Variants in GARIN5B observed in about 807,000 individuals in gnomAD.
GARIN5B encodes Golgi-associated RAB2 interactor protein 5B.
the GARIN5B span, chr19:55,358,530 ATGG>A: frequency 1.5e-4 from 5 of 32,678 alleles, no homozygotes; most frequent in African/African-American, 5.1e-4. Flanking sequence ...ATCTCGCCCC[ATGG>A]CTGCTCCTTC....
chr19:55,358,625 A>G, the GARIN5B span: 2 of 1,551,274 alleles, frequency 1.3e-6, no homozygotes, highest in Non-Finnish European at 1.7e-6. Context: ...CTTCCCCTCC[A>G]GTAAGGACAG....
chr19:55,362,713 G>A, the GARIN5B span: 3 of 1,537,420 alleles, frequency 2.0e-6, no homozygotes, highest in Admixed American at 3.9e-5. Flanking sequence ...CACGAACACT[G>A]GGCCCCCTTG....
At chr19:55,362,303 C>A in the GARIN5B span, 1 of 1,549,414 alleles carries the variant, frequency 6.5e-7, no homozygotes, top group South Asian at 1.2e-5. Flanking sequence ...GGGGGCCGTG[C>A]GCGTGGTCCT....
At chr19:55,358,958 C>G in the GARIN5B span, 4 of 1,551,230 alleles carry the variant, frequency 2.6e-6, no homozygotes, top group Non-Finnish European at 3.5e-6. Flanking sequence ...CCCCTGGCCC[C>G]TGAAGGCCTC....
At chr19:55,361,434 C>T in the GARIN5B span, 3 of 1,503,960 alleles carry the variant, frequency 2.0e-6, no homozygotes, top group Non-Finnish European at 2.7e-6. Flanking sequence ...ATGGGCTGGT[C>T]CTGCAGAGAT....
At chr19:55,362,210 C>G in the GARIN5B span, 1 of 1,477,102 alleles carries the variant, frequency 6.8e-7, no homozygotes. Flanking sequence ...TTCCTGGGGC[C>G]TGCCATGCCC....
chr19:55,361,238 A>C, the GARIN5B span: 1 of 1,550,984 alleles, frequency 6.4e-7, no homozygotes, highest in South Asian at 1.2e-5. Context: ...AGCAACCCTG[A>C]CTGGGAAGAG....
chr19:55,357,792 G>A, the GARIN5B span, among the ~76,000 whole-genome samples: 815 of 152,306 alleles, frequency 5.4e-3, 5 homozygotes, highest in African/African-American at 0.019. Flanking sequence ...GGTGGCTCAC[G>A]CCTGTAATCC....
chr19:55,359,493 A>T, the GARIN5B span: 1 of 1,545,986 alleles, frequency 6.5e-7, no homozygotes, highest in Non-Finnish European at 8.7e-7. Flanking sequence ...GCCTTCTGGG[A>T]TGGAGCAGGT....
the GARIN5B span, among the ~76,000 whole-genome samples, chr19:55,355,868 T>C: frequency 2.0e-5 from 3 of 151,414 alleles, no homozygotes; most frequent in Non-Finnish European, 4.4e-5. Flanking sequence ...TGCCTGTGGT[T>C]CCAGCTACTG....
the GARIN5B span, among the ~76,000 whole-genome samples, chr19:55,356,983 G>C: frequency 6.6e-6 from 1 of 152,120 alleles, no homozygotes; most frequent in African/African-American, 2.4e-5. Flanking sequence ...CTTGAACCCA[G>C]GAGGCAGAGG....
chr19:55,362,397 G>A, the GARIN5B span: 1 of 1,550,506 alleles, frequency 6.4e-7, no homozygotes, highest in Admixed American at 2.0e-5. Flanking sequence ...TCGTTGTCAG[G>A]GGCGTCCAGG....
the GARIN5B span, chr19:55,358,234 G>T: frequency 6.4e-7 from 1 of 1,550,828 alleles, no homozygotes; most frequent in Non-Finnish European, 8.7e-7. Flanking sequence ...CTAAGAGCAT[G>T]GGCAAAAGAA....
At chr19:55,359,682 G>A in the GARIN5B span, 1 of 1,551,516 alleles carries the variant, frequency 6.4e-7, no homozygotes, top group African/African-American at 1.4e-5. Flanking sequence ...CAGGGTGGTG[G>A]CCCCGGCCCC....
chr19:55,362,967 C>T, the GARIN5B span: 22 of 1,496,336 alleles, frequency 1.5e-5, no homozygotes, highest in Admixed American at 2.3e-4. Context: ...GGCAGGTACT[C>T]GCCCTTCTGG....
chr19:55,361,101 C>T, the GARIN5B span: 14 of 1,551,282 alleles, frequency 9.0e-6, no homozygotes, highest in Admixed American at 2.0e-5. Flanking sequence ...TGCGCTTGAG[C>T]GCCTGGAGTG....
the GARIN5B span, among the ~76,000 whole-genome samples, chr19:55,357,164 G>A: frequency 4.6e-5 from 7 of 152,096 alleles, no homozygotes; most frequent in Non-Finnish European, 8.8e-5. Flanking sequence ...CTGTCTCTAC[G>A]GGTCAGCCTG....
the GARIN5B span, chr19:55,358,873 C>T: frequency 1.0e-5 from 16 of 1,548,784 alleles, no homozygotes; most frequent in Non-Finnish European, 1.4e-5. Flanking sequence ...GCTGCTCCAA[C>T]TCCTTGGATC....
the GARIN5B span, chr19:55,358,464 G>A: frequency 2.0e-6 from 3 of 1,531,148 alleles, no homozygotes; most frequent in Non-Finnish European, 2.6e-6. Flanking sequence ...GCAGAGGTGG[G>A]CTTGGAGCGA....
Sources: allele counts gnomAD v4.1 joint callset (sites outside exome capture counted in the v4.1 genomes callset), GRCh38; gene constraint gnomAD v4.1.1; transcripts MANE v1.5; gene names NCBI Gene and HGNC (gene_info 2026-07-23, HGNC 2026-07-21).